The following FAM47E variants were observed in gnomAD, a reference collection of about 807,000 sequenced individuals.
FAM47E encodes the protein protein FAM47E.
Under a neutral mutation model 41.6 loss-of-function variants are expected in FAM47E, and 32 were observed. That is an observed-to-expected ratio of 0.77 (90% CI 0.58 to 1.03). The LOEUF (loss-of-function observed/expected upper bound fraction) is 1.03, where lower values mean the gene tolerates loss of function less well. FAM47E is among the 50% of genes least tolerant of loss of function. FAM47E has a pLI of 0.00. For synonymous variants in FAM47E, 184 were observed against 188.7 expected (o/e 0.98, Z 0.20); for missense variants, 424 against 485.4 (o/e 0.87, Z 1.19).
intron 2 of FAM47E, among the ~76,000 whole-genome samples, chr4:76,226,795 T>C (rs1733406011): frequency 6.6e-6 from 1 of 152,218 alleles, no homozygotes; most frequent in Non-Finnish European, 1.5e-5. Flanking sequence ...CTCTAGATTT[T>C]CTAGTTTGTG....
intron 1 of FAM47E, among the ~76,000 whole-genome samples, chr4:76,255,490 T>C (rs1734149398): frequency 6.6e-6 from 1 of 152,162 alleles, no homozygotes; most frequent in Non-Finnish European, 1.5e-5. Flanking sequence ...ATGTAGCCCA[T>C]GGACAGCCAT....
intron 2 of FAM47E, among the ~76,000 whole-genome samples, chr4:76,261,322 G>T (rs973954593): frequency 6.6e-6 from 1 of 151,984 alleles, no homozygotes; most frequent in Non-Finnish European, 1.5e-5. Context: ...TCCACTACTG[G>T]GTATCTACCC....
intron 6 of FAM47E, 195 bp downstream of exon 6, chr4:76,278,419 T>A: frequency 1.9e-6 from 1 of 526,302 alleles, no homozygotes; most frequent in South Asian, 6.2e-5. Flanking sequence ...TGGAATCTCC[T>A]GGCTTTGTGG....
intron 2 of FAM47E, among the ~76,000 whole-genome samples, chr4:76,230,936 G>T (rs556423692): frequency 3.3e-5 from 5 of 152,288 alleles, no homozygotes; most frequent in South Asian, 2.1e-4. Context: ...GATCACCTGT[G>T]CTGTGCCTTT....
intron 2 of FAM47E, among the ~76,000 whole-genome samples, chr4:76,229,980 G>A (rs1342773528): frequency 1.3e-5 from 2 of 152,160 alleles, no homozygotes; most frequent in Non-Finnish European, 2.9e-5. Flanking sequence ...CCAGGAGGTG[G>A]TGCTTTCAAG....
chr4:76,237,549 A>G (rs1302620967), intron 2 of FAM47E, among the ~76,000 whole-genome samples: 2 of 152,162 alleles, frequency 1.3e-5, no homozygotes, highest in African/African-American at 4.8e-5. Context: ...AGGACAAACC[A>G]AGGAGTTTGG....
intron 3 of FAM47E, chr4:76,267,420 G>C (rs1734686150): frequency 6.6e-6 from 1 of 152,184 alleles, no homozygotes; most frequent in Admixed American, 6.5e-5. Context: ...TCACAGAACT[G>C]AGAGAAGGCC....
intron 2 of FAM47E, among the ~76,000 whole-genome samples, chr4:76,239,196 A>T (rs1302072396): frequency 6.6e-6 from 1 of 152,134 alleles, no homozygotes; most frequent in Non-Finnish European, 1.5e-5. Context: ...GCTGCTATAA[A>T]CACAGATGTA....
chr4:76,227,827 G>T (rs1733424595), intron 2 of FAM47E, among the ~76,000 whole-genome samples: 1 of 152,084 alleles, frequency 6.6e-6, no homozygotes, highest in African/African-American at 2.4e-5. Flanking sequence ...AGTCTGTTTT[G>T]TCTGATATAA....
In FAM47E at chr4:76,278,049, A is replaced by T; in HGVS notation, c.871-20A>T. The T allele has an allele frequency of 2.7e-6, 4 of 1,466,872 alleles. No individual in the cohort carries two copies. The highest frequency in any genetic ancestry group is 3.6e-6 in the Non-Finnish European group (4 of 1,110,816). 90.9% of individuals were successfully genotyped at this position (1,466,872 alleles called of 1,614,324 possible). On this transcript the variant is annotated intron_variant, in intron 5 of 7. Coordinates refer to ENST00000424749, the MANE Select transcript of FAM47E (RefSeq NM_001136570.3). The stretch of plus-strand genomic sequence containing the variant: ...CAAACAAAAAATCAATGGCACTGGG[A>T]ATTATGTTACTTTCCACAGAATCCT...
At chr4:76,219,308 C>A (rs1733267601) in intron 2 of FAM47E, among the ~76,000 whole-genome samples, 1 of 152,124 alleles carries the variant, frequency 6.6e-6, no homozygotes, top group African/African-American at 2.4e-5. Flanking sequence ...AGTTGCCAGT[C>A]CGGTGGCCAA....
Position 76,264,025 on chromosome 4 carries a change from G to A in FAM47E, c.560+182G>A, listed in dbSNP as rs140395000. Reference sequence around the variant, plus strand: ...AATAGTGCTTATTTCTTCAAGGGATGTGATTTATCCAGCGACGACGCAGAC... The same window carrying A: ...AATAGTGCTTATTTCTTCAAGGGATATGATTTATCCAGCGACGACGCAGAC... On this transcript the variant is annotated intron_variant, in intron 3 of 7. Transcript: ENST00000424749. Among the ~76,000 whole-genome samples, 126 of 152,296 alleles carry A rather than the reference G, an allele frequency of 8.3e-4. 1 individual carries two copies. The highest frequency in any genetic ancestry group is 3.0e-3 in the African/African-American group (126 of 41,578).
At chr4:76,257,759 C>T (rs1734250945) in intron 2 of FAM47E, among the ~76,000 whole-genome samples, 1 of 152,010 alleles carries the variant, frequency 6.6e-6, no homozygotes, top group Non-Finnish European at 1.5e-5. Flanking sequence ...ATAGCACTTC[C>T]CTTCCACCCT....
intron 2 of FAM47E, among the ~76,000 whole-genome samples, chr4:76,218,395 C>T (rs573495337): frequency 4.2e-4 from 64 of 152,318 alleles, no homozygotes; most frequent in East Asian, 7.7e-4. Flanking sequence ...TGCAGATAGG[C>T]TTACATATCC....
intron 2 of FAM47E, among the ~76,000 whole-genome samples, chr4:76,227,318 ATTAT>A (rs1252278336): frequency 2.6e-5 from 4 of 152,154 alleles, no homozygotes; most frequent in Non-Finnish European, 5.9e-5. Context: ...TCAGGAGTAG[ATTAT>A]TTAATGTCCA....
chr4:76,242,049 T>C (rs1051582392), intron 2 of FAM47E, among the ~76,000 whole-genome samples: 1 of 152,220 alleles, frequency 6.6e-6, no homozygotes. Context: ...ATGTGGCTTA[T>C]ATGTGATTTC....
At chr4:76,280,211 A>T in intron 6 of FAM47E, 53 bp from the exon 7 acceptor site, 1 of 1,088,256 alleles carries the variant, frequency 9.2e-7, no homozygotes, top group Non-Finnish European at 1.4e-6. Context: ...AACAAATATG[A>T]AATCAAGCTT....
At chr4:76,266,256 C>T (rs1734629807) in intron 3 of FAM47E, among the ~76,000 whole-genome samples, 1 of 152,208 alleles carries the variant, frequency 6.6e-6, no homozygotes, top group Admixed American at 6.5e-5. Flanking sequence ...TTACTCACAA[C>T]CAAGTGACCT....
upstream of FAM47E, among the ~76,000 whole-genome samples, chr4:76,250,639 G>T (rs1172039645): frequency 2.0e-5 from 3 of 152,108 alleles, no homozygotes; most frequent in African/African-American, 7.2e-5. Context: ...TTTTGGCCCA[G>T]TTCTCACAGA....
Sources: gnomAD v4.1 joint callset for allele counts (sites outside exome capture counted in the v4.1 genomes callset) on GRCh38, gnomAD v4.1.1 for gene constraint, MANE v1.5 for transcripts, NCBI Gene and HGNC (gene_info 2026-07-23, HGNC 2026-07-21) for gene names.